Variants in GNAQ observed in about 807,000 individuals in gnomAD.
The protein encoded by GNAQ is G protein subunit alpha q, also known as guanine nucleotide-binding protein G(q) subunit alpha.
GNAQ carries 8 observed loss-of-function variants against 43.9 expected under a neutral mutation model. That is an observed-to-expected ratio of 0.18 (90% CI 0.11 to 0.33). The LOEUF (loss-of-function observed/expected upper bound fraction) is 0.33, where lower values mean the gene tolerates loss of function less well. Among genes scored for constraint, GNAQ ranks in the 10% least tolerant of loss-of-function variants. The pLI is 1.00. For missense variants in GNAQ, 158 were observed against 450.8 expected, an observed-to-expected ratio of 0.35 and a Z score of 5.88; for synonymous variants, 155 against 170.7, an observed-to-expected ratio of 0.91 and a Z score of 0.71.
At position 77,721,464 on chromosome 9, in the gene GNAQ, G is replaced by A. The variant is rs199754984; in HGVS notation, c.939C>T (p.Phe313=). 40 of 1,612,996 alleles carry A rather than the reference G, an allele frequency of 2.5e-5. 1 individual carries two copies. Among genetic ancestry groups the A allele is most frequent in the East Asian group, 2.5e-4 (11 of 44,854 alleles). ...TGTCACTGTCTGGGTTCAGGTCCAC[G>A]AACATCTTCAGAATGAATTCTCGGG... ...QAAREFILKM[F]VDLNPDSDKI... The change falls in exon 7 of 7, where the codon TTC becomes TTT. Residue 313 remains phenylalanine (F), a synonymous_variant. Coordinates refer to ENST00000286548, the MANE Select transcript of GNAQ (RefSeq NM_002072.5).
intron 2 of GNAQ, among the ~76,000 whole-genome samples, chr9:77,848,257 T>C (rs574584707): frequency 9.9e-5 from 15 of 152,200 alleles, no homozygotes; most frequent in South Asian, 4.1e-4. Context: ...CTCAGTAAAG[T>C]TGAAAGTAAA....
intron 2 of GNAQ, among the ~76,000 whole-genome samples, chr9:77,832,486 CATA>C (rs1354416053): frequency 6.6e-6 from 1 of 152,070 alleles, no homozygotes; most frequent in Non-Finnish European, 1.5e-5. Context: ...TGTATGGCAG[CATA>C]ATATTTTATC....
chr9:77,989,439 TTC>T (rs1237820462), intron 1 of GNAQ, among the ~76,000 whole-genome samples: 8 of 152,224 alleles, frequency 5.3e-5, no homozygotes, highest in African/African-American at 1.4e-4. Context: ...TGTGAAGCAG[TTC>T]TGACTGTGAG....
At chr9:78,012,457 T>C (rs1823785639) in intron 1 of GNAQ, among the ~76,000 whole-genome samples, 1 of 152,046 alleles carries the variant, frequency 6.6e-6, no homozygotes, top group South Asian at 2.1e-4. Context: ...TCCACCCGCC[T>C]TGGCCTCCCA....
intron 2 of GNAQ, among the ~76,000 whole-genome samples, chr9:77,886,735 C>T (rs915541544): frequency 2.0e-5 from 3 of 152,064 alleles, no homozygotes; most frequent in Non-Finnish European, 2.9e-5. Context: ...AACAAAAAAA[C>T]GCTGTAAAGA....
intron 1 of GNAQ, among the ~76,000 whole-genome samples, chr9:77,969,385 A>C (rs964734351): frequency 1.3e-5 from 2 of 152,146 alleles, no homozygotes; most frequent in Non-Finnish European, 2.9e-5. Context: ...TCCAATTTAA[A>C]CTCAGGAATT....
chr9:77,844,907 T>G (rs1348173083), intron 2 of GNAQ, among the ~76,000 whole-genome samples: 1 of 152,190 alleles, frequency 6.6e-6, no homozygotes. Flanking sequence ...ACTCCTGACC[T>G]TGGGTGATCT....
chr9:77,853,986 G>T (rs1036727296), intron 2 of GNAQ, among the ~76,000 whole-genome samples: 3 of 152,060 alleles, frequency 2.0e-5, no homozygotes, highest in African/African-American at 7.2e-5. Flanking sequence ...GAAAAAATGA[G>T]TTAGGGGCTC....
At chr9:77,798,180 T>C (rs1247090733) in intron 3 of GNAQ, among the ~76,000 whole-genome samples, 1 of 152,224 alleles carries the variant, frequency 6.6e-6, no homozygotes, top group Non-Finnish European at 1.5e-5. Flanking sequence ...TCATGATTAA[T>C]GTGAAGCCAT....
rs1825285402 is a variant in GNAQ at position 77,720,004 on chromosome 9, A to G, written c.*1319T>C. On this transcript the variant is annotated 3_prime_UTR_variant, in exon 7 of 7. Coordinates refer to ENST00000286548, the MANE Select transcript of GNAQ (RefSeq NM_002072.5). Reference sequence around the variant, plus strand: ...GTTCCTGGCAGACTTCATTGAACTTAAAGAACCACTGAGAGTAAAACTGGT... The same window carrying G: ...GTTCCTGGCAGACTTCATTGAACTTGAAGAACCACTGAGAGTAAAACTGGT... 2 of 232,730 alleles carry G rather than the reference A, an allele frequency of 8.6e-6. No homozygotes were observed. Among genetic ancestry groups the G allele is most frequent in the Admixed American group, 5.6e-5 (1 of 17,776 alleles). The allele number at this position is 232,730 out of a possible 1,614,324, so 14.4% of individuals were successfully genotyped here.
intron 1 of GNAQ, among the ~76,000 whole-genome samples, chr9:77,975,618 C>T (rs1043645365): frequency 3.2e-4 from 47 of 148,818 alleles, no homozygotes; most frequent in Non-Finnish European, 4.7e-4. Context: ...CGGTTCACTG[C>T]AACCTCCTCC....
At chr9:77,855,013 G>A (rs905117895) in intron 2 of GNAQ, among the ~76,000 whole-genome samples, 1 of 152,142 alleles carries the variant, frequency 6.6e-6, no homozygotes, top group Non-Finnish European at 1.5e-5. Context: ...TATTTTACTG[G>A]TTACAACTGT....
At chr9:77,957,879 C>T (rs1823062059) in intron 1 of GNAQ, among the ~76,000 whole-genome samples, 1 of 152,238 alleles carries the variant, frequency 6.6e-6, no homozygotes, top group Non-Finnish European at 1.5e-5. Flanking sequence ...GGCCACGTGG[C>T]TTATGTGGTA....
At chr9:77,765,724 A>G (rs1826125010) in intron 5 of GNAQ, among the ~76,000 whole-genome samples, 1 of 152,246 alleles carries the variant, frequency 6.6e-6, no homozygotes, top group Non-Finnish European at 1.5e-5. Context: ...TAAAAAATAC[A>G]ATCACCATAT....
intron 3 of GNAQ, among the ~76,000 whole-genome samples, chr9:77,805,170 C>G (rs1300805200): frequency 6.6e-6 from 1 of 152,144 alleles, no homozygotes; most frequent in Non-Finnish European, 1.5e-5. Context: ...ATAACCTACT[C>G]TAGTCCCTTC....
chr9:77,730,945 G>C (rs999055226), intron 5 of GNAQ, among the ~76,000 whole-genome samples: 1 of 152,188 alleles, frequency 6.6e-6, no homozygotes, highest in African/African-American at 2.4e-5. Flanking sequence ...TGATGGGAGA[G>C]TGGTGTTTTT....
At chr9:77,856,035 C>T (rs1034304230) in intron 2 of GNAQ, among the ~76,000 whole-genome samples, 2 of 151,822 alleles carry the variant, frequency 1.3e-5, no homozygotes, top group Admixed American at 1.3e-4. Flanking sequence ...ATCTTGCTTA[C>T]CAACTATTTG....
At chr9:77,762,006 C>T (rs1826039481) in intron 5 of GNAQ, among the ~76,000 whole-genome samples, 2 of 139,872 alleles carry the variant, frequency 1.4e-5, no homozygotes, top group South Asian at 2.3e-4. Context: ...GGCGCCTCTG[C>T]CCGGCCGCCC....
chr9:77,726,865 C>G (rs74486269), intron 6 of GNAQ, among the ~76,000 whole-genome samples: 1,925 of 152,240 alleles, frequency 0.013, 36 homozygotes, highest in African/African-American at 0.044. Flanking sequence ...ACTATCTAGA[C>G]CACGGCTTGG....
Sources: gnomAD v4.1 joint callset for allele counts (sites outside exome capture counted in the v4.1 genomes callset) on GRCh38, gnomAD v4.1.1 for gene constraint, MANE v1.5 for transcripts, NCBI Gene and HGNC (gene_info 2026-07-23, HGNC 2026-07-21) for gene names.